The following KCNH2 variants were observed in gnomAD, a reference collection of about 807,000 sequenced individuals.
KCNH2 encodes potassium voltage-gated channel subfamily H member 2.
A neutral mutation model predicts 95.9 loss-of-function variants in KCNH2; 35 were observed. That is an observed-to-expected ratio of 0.37 (90% CI 0.28 to 0.48). The LOEUF (loss-of-function observed/expected upper bound fraction) is 0.48, where lower values mean the gene tolerates loss of function less well. KCNH2 is among the 20% of genes least tolerant of loss of function. The pLI is 0.99. For missense variants in KCNH2, 1,274 were observed against 1,702.9 expected (o/e 0.75, Z 4.43); for synonymous variants, 786 against 754.7 (o/e 1.04, Z -0.68).
chr7:150,968,396 C>CA (rs1480563433), intron 2 of KCNH2, among the ~76,000 whole-genome samples: 2 of 152,210 alleles, frequency 1.3e-5, no homozygotes, highest in Non-Finnish European at 2.9e-5. Context: ...GTGGCGGCCG[C>CA]ATGCCACTGA....
intron 1 of KCNH2, 32 bp from the exon 2 acceptor site, chr7:150,974,973 CG>C: frequency 6.5e-7 from 1 of 1,542,416 alleles, no homozygotes; most frequent in Non-Finnish European, 8.8e-7. Context: ...TGCGCGTGAG[CG>C]GGGACCCCAG....
chr7:150,950,131 G>A (rs1279943595), intron 9 of KCNH2, 37 bp downstream of exon 9: 1 of 1,608,366 alleles, frequency 6.2e-7, no homozygotes, highest in East Asian at 2.3e-5. Context: ...GGCTGCAGAG[G>A]GCATTTCCAG....
intron 2 of KCNH2, among the ~76,000 whole-genome samples, chr7:150,972,231 C>T (rs781643234): frequency 5.3e-5 from 8 of 152,254 alleles, no homozygotes; most frequent in Non-Finnish European, 1.2e-4. Flanking sequence ...TCCACGGCGG[C>T]GCCTGCCAGC....
At chr7:150,957,527 G>A (rs1005709635) in intron 4 of KCNH2, 25 bp from the exon 5 acceptor site, 3 of 1,442,238 alleles carry the variant, frequency 2.1e-6, no homozygotes, top group Non-Finnish European at 2.7e-6. Context: ...AGCGTGGTCA[G>A]GCCAGCAGCC....
intron 5 of KCNH2, among the ~76,000 whole-genome samples, chr7:150,956,125 G>T (rs2116991699): frequency 6.6e-6 from 1 of 152,252 alleles, no homozygotes; most frequent in South Asian, 2.1e-4. Context: ...GACACATACA[G>T]GCGCACATGC....
intron 5 of KCNH2, chr7:150,955,767 T>C: frequency 8.1e-7 from 1 of 1,227,120 alleles, no homozygotes; most frequent in Non-Finnish European, 1.0e-6. Context: ...CAGGGTGCCG[T>C]GCTCTGCCCG....
rs1004321690 is a variant in KCNH2, at chr7:150,959,597, G to C, written c.447C>G (p.Gly149=). 2 of 1,614,100 alleles carry C rather than the reference G, an allele frequency of 1.2e-6. No individual in the cohort carries two copies. Among genetic ancestry groups the C allele is most frequent in the South Asian group, 2.2e-5 (2 of 91,080 alleles). Residue 149 remains glycine, a synonymous_variant, in exon 3 of 15, where the codon GGC becomes GGG. Transcript: ENST00000262186. ...CTGGGGCCAGCCAGCTGGTGGGGGGGCCCCGGTGGTTGGTGTCATGAGCCG... is the reference window on the plus strand; with the variant it reads ...CTGGGGCCAGCCAGCTGGTGGGGGGCCCCCGGTGGTTGGTGTCATGAGCCG... ...GSPAHDTNHR[G]PPTSWLAPGR... is the part of the protein sequence containing the mutation.
At chr7:150,959,514 A>G (rs1454553592) in intron 3 of KCNH2, 58 bp downstream of exon 3, 2 of 1,594,130 alleles carry the variant, frequency 1.3e-6, no homozygotes, top group Non-Finnish European at 1.7e-6. Flanking sequence ...GACAGCTCAC[A>G]GCCCCAAAGA....
rs794728401 is a variant in KCNH2 at position 150,947,478 on chromosome 7, C to G, written c.3002G>C (p.Trp1001Ser). The stretch of plus-strand genomic sequence containing the variant: ...GTACTGGCGGCCCCGACTGTCCCCC[C>G]AGAAGCTGAAAATGTTGGACACTCC... Reference protein sequence around the residue: ...FSGVSNIFSFWGDSRGRQYQE... With the variant: ...FSGVSNIFSFSGDSRGRQYQE... Residue 1001 changes from tryptophan (W) to serine (S), a missense_variant, in exon 13 of 15, where the codon TGG becomes TCG. Around this residue, in one of 7 missense-constraint regions of KCNH2, gnomAD observed 457 missense variants for 416.1 expected, o/e 1.10. Coordinates refer to ENST00000262186, the MANE Select transcript of KCNH2 (RefSeq NM_000238.4). The G allele has an allele frequency of 4.4e-6, 7 of 1,580,460 alleles. No individual in the cohort carries two copies. Among genetic ancestry groups the G allele is most frequent in the African/African-American group, 2.7e-5 (2 of 74,508 alleles).
Position 150,951,713 on chromosome 7 carries a change from G to A in KCNH2, c.1680C>T (p.Ile560=), listed in dbSNP as rs372725107. ...LFLLMCTFAL[I]AHWLACIWYA... is the part of the protein sequence containing the mutation. ...ACCAGATGCAGGCTAGCCAGTGCGC[G>A]ATGAGCGCAAAGGTGCACATGAGCA... The change falls in exon 7 of 15, where the codon ATC becomes ATT. Residue 560 remains isoleucine, a synonymous_variant. Transcript: ENST00000262186. The A allele has an allele frequency of 2.7e-5, 43 of 1,613,978 alleles. No homozygotes were observed. The highest frequency in any genetic ancestry group is 3.3e-4 in the Middle Eastern group (2 of 6,082).
Position 150,974,742 on chromosome 7 carries a change from G to T in KCNH2, c.276C>A (p.Arg92=). Residue 92 remains arginine (R), a synonymous_variant, in exon 2 of 15, where the codon CGC becomes CGA. Transcript: ENST00000262186. Reference sequence around the variant, plus strand: ...TCCGGTAGAAGGCGATTTCCACTTTGCGCTCCTCGGCGCCCAGCAGTGCCT... The same window carrying T: ...TCCGGTAGAAGGCGATTTCCACTTTTCGCTCCTCGGCGCCCAGCAGTGCCT... ...IAQALLGAEE[R]KVEIAFYRKD... The T allele has an allele frequency of 6.4e-7, 1 of 1,558,338 alleles. No individual in the cohort carries two copies. The highest frequency in any genetic ancestry group is 1.1e-5 in the South Asian group (1 of 89,622).
intron 2 of KCNH2, among the ~76,000 whole-genome samples, chr7:150,969,697 C>A (rs1280700177): frequency 1.3e-5 from 2 of 152,212 alleles, no homozygotes; most frequent in Non-Finnish European, 2.9e-5. Context: ...CAACAGAGAA[C>A]AAAGCAGATG....
intron 11 of KCNH2, 29 bp downstream of exon 11, chr7:150,948,407 TCCCCGCCC>T: frequency 3.3e-6 from 4 of 1,219,308 alleles, no homozygotes. Flanking sequence ...CCTCACCTTG[TCCCCGCCC>T]TCCCCCTTCC....
intron 5 of KCNH2, among the ~76,000 whole-genome samples, chr7:150,953,212 G>A (rs1801250614): frequency 6.6e-6 from 1 of 152,134 alleles, no homozygotes; most frequent in Non-Finnish European, 1.5e-5. Flanking sequence ...AACCACACAC[G>A]CCATAGTCTC....
rs141482050 is a variant in KCNH2 at position 150,949,172 on chromosome 7, C to A, written c.2399-123G>T. ...CCCCTCAGCTGGGTCGCCTGCCAGCCGGCCCCCAACCCACACAACCGGGGA... is the reference window on the plus strand; with the variant it reads ...CCCCTCAGCTGGGTCGCCTGCCAGCAGGCCCCCAACCCACACAACCGGGGA... On this transcript the variant is annotated intron_variant, in intron 9 of 14. Transcript: ENST00000262186. 3 of 1,122,534 alleles carry A rather than the reference C, an allele frequency of 2.7e-6. No individual in the cohort carries two copies. The East Asian group carries it at 7.8e-5, about 29-fold the overall frequency. The allele number at this position is 1,122,534 out of a possible 1,614,324, so 69.5% of individuals were successfully genotyped here. A position where few individuals can be genotyped will look rare whatever the true frequency, so the allele number is the denominator to read the frequency against.
At chr7:150,977,471 G>A (rs1802004989) in intron 1 of KCNH2, among the ~76,000 whole-genome samples, 1 of 152,076 alleles carries the variant, frequency 6.6e-6, no homozygotes, top group South Asian at 2.1e-4. Context: ...GGTTTGGGTC[G>A]TACACACTCT....
chr7:150,955,467 C>T, intron 5 of KCNH2: 3 of 1,559,554 alleles, frequency 1.9e-6, no homozygotes, highest in Non-Finnish European at 2.6e-6. Context: ...GGCCGCAGAG[C>T]CCCTGTCCTG....
chr7:150,947,627 C>CGCT lies in KCNH2; in HGVS notation c.2941_2943dup (p.Ser981dup). ...ATACCTGACAGGGGGTTGCAAGTGT[C>CGCT]GCTGCTCTTCTCGCAGTCCTCCATC... On this transcript the variant is annotated inframe_insertion, in exon 12 of 15. Transcript: ENST00000262186. 1.2e-6 allele frequency: 2 copies of CGCT among 1,612,664 alleles called. No homozygotes were observed. Among genetic ancestry groups the CGCT allele is most frequent in the Non-Finnish European group, 1.7e-6 (2 of 1,179,506 alleles).
At chr7:150,956,709 G>A (rs1282229546) in intron 5 of KCNH2, among the ~76,000 whole-genome samples, 1 of 152,158 alleles carries the variant, frequency 6.6e-6, no homozygotes, top group Non-Finnish European at 1.5e-5. Flanking sequence ...ACCTCCCTAT[G>A]AGAAGAAAAC....
Sources: allele counts gnomAD v4.1 joint callset (sites outside exome capture counted in the v4.1 genomes callset), GRCh38; gene constraint gnomAD v4.1.1; regional missense constraint gnomAD v4.1.1; transcripts MANE v1.5; gene names NCBI Gene and HGNC (gene_info 2026-07-23, HGNC 2026-07-21).